Variants in MTPN observed in about 807,000 individuals in gnomAD.
The protein encoded by MTPN is myotrophin.
In MTPN, 2 loss-of-function variants were observed where a neutral mutation model predicts 13.5. The observed-to-expected ratio is 0.15, with a 90% CI of 0.06 to 0.47. The LOEUF (loss-of-function observed/expected upper bound fraction) is 0.47. Ranked by LOEUF, MTPN falls within the 20% of genes least tolerant of loss-of-function variation. The pLI is 0.97. For missense variants in MTPN, 79 were observed against 137.9 expected (o/e 0.57, Z 2.14); for synonymous variants, 46 against 51.7 (o/e 0.89, Z 0.48).
At chr7:135,963,996 G>A (rs566054675) in intron 1 of MTPN, among the ~76,000 whole-genome samples, 4 of 151,832 alleles carry the variant, frequency 2.6e-5, no homozygotes, top group South Asian at 2.1e-4. Context: ...AACAAAACAC[G>A]TGTTTATATA....
At chr7:135,967,366 GAAGAAGAAATTTGCC>G (rs1799621525) in intron 1 of MTPN, among the ~76,000 whole-genome samples, 3 of 152,202 alleles carry the variant, frequency 2.0e-5, no homozygotes, top group Admixed American at 2.0e-4. Flanking sequence ...ACTTCAGGAA[GAAGAAGAAATTTGCC>G]AAGCAGATGT....
At chr7:135,956,379 AT>A in intron 1 of MTPN, among the ~76,000 whole-genome samples, 1 of 152,354 alleles carries the variant, frequency 6.6e-6, no homozygotes, top group East Asian at 1.9e-4. Flanking sequence ...TCTTTCCCAA[AT>A]TCTGGGGATA....
At chr7:135,950,827 G>T (rs1044485904) in intron 2 of MTPN, 145 bp from the exon 3 acceptor site, 4 of 670,548 alleles carry the variant, frequency 6.0e-6, no homozygotes, top group Non-Finnish European at 1.0e-5. Flanking sequence ...CAAGTGTCTA[G>T]TCTCTTAAAG....
intron 3 of MTPN, among the ~76,000 whole-genome samples, chr7:135,940,812 CAT>C (rs901175554): frequency 4.9e-4 from 74 of 152,326 alleles, no homozygotes; most frequent in African/African-American, 1.6e-3. Context: ...GGATGGCACA[CAT>C]ATGACTTGTC....
intron 1 of MTPN, among the ~76,000 whole-genome samples, chr7:135,959,817 G>GTT (rs11452329): frequency 4.9e-5 from 7 of 143,504 alleles, no homozygotes; most frequent in African/African-American, 7.6e-5. Context: ...ACATCTGCTT[G>GTT]TTTTTTTTTT....
Position 135,929,850 on chromosome 7 carries a change from A to G in MTPN, c.*76T>C. The G allele has an allele frequency of 7.3e-7, 1 of 1,367,850 alleles. No homozygotes were observed. Among genetic ancestry groups the G allele is most frequent in the Non-Finnish European group, 1.0e-6 (1 of 956,102 alleles). 84.7% of individuals were successfully genotyped at this position (1,367,850 alleles called of 1,614,324 possible). A position where few individuals can be genotyped will look rare whatever the true frequency, so the allele number is the denominator to read the frequency against. ...TTTAGCTGAAGAAGCTGGCAGATAGAGAGTGACAGACAGACAGGCAGCAGT... is the reference window on the plus strand; with the variant it reads ...TTTAGCTGAAGAAGCTGGCAGATAGGGAGTGACAGACAGACAGGCAGCAGT... On this transcript the variant is annotated 3_prime_UTR_variant, in exon 4 of 4. Transcript: ENST00000393085.
At chr7:135,936,213 A>C (rs1382578705) in intron 3 of MTPN, among the ~76,000 whole-genome samples, 1 of 152,248 alleles carries the variant, frequency 6.6e-6, no homozygotes, top group African/African-American at 2.4e-5. Flanking sequence ...GGCCGGGCAC[A>C]GTGGCTCACG....
At chr7:135,972,806 G>T (rs1332438237) in intron 1 of MTPN, among the ~76,000 whole-genome samples, 1 of 151,460 alleles carries the variant, frequency 6.6e-6, no homozygotes, top group Non-Finnish European at 1.5e-5. Context: ...TTTTAAAAGG[G>T]CCAACTCCTC....
intron 1 of MTPN, among the ~76,000 whole-genome samples, chr7:135,965,862 CT>C (rs1322415667): frequency 1.3e-5 from 2 of 152,054 alleles, no homozygotes; most frequent in African/African-American, 4.8e-5. Flanking sequence ...GGTAAACCAA[CT>C]TTGAAAACAA....
At chr7:135,972,413 A>G (rs768831500) in intron 1 of MTPN, among the ~76,000 whole-genome samples, 6 of 152,232 alleles carry the variant, frequency 3.9e-5, no homozygotes, top group Non-Finnish European at 8.8e-5. Flanking sequence ...AGAAGCAAAT[A>G]AAAACTTAGG....
At position 135,946,832 on chromosome 7, in the gene MTPN, CCA is replaced by C. The variant is rs1340822878; in HGVS notation, c.270+3765_270+3766del. ...AAAACAGGCATTGGGCTTGGCCTCT[CCA>C]CAGACTGCTGTACTGGTCAGTTGCT... On this transcript the variant is annotated intron_variant, in intron 3 of 3. Coordinates refer to ENST00000393085, the MANE Select transcript of MTPN (RefSeq NM_145808.4). Among the ~76,000 whole-genome samples, 9 of 152,308 alleles carry C rather than the reference CCA, an allele frequency of 5.9e-5. No homozygotes were observed. The East Asian group carries it at 1.7e-3, about 29-fold the overall frequency.
At chr7:135,955,431 ACAGAT>A (rs1799427973) in intron 1 of MTPN, among the ~76,000 whole-genome samples, 1 of 152,214 alleles carries the variant, frequency 6.6e-6, no homozygotes, top group African/African-American at 2.4e-5. Context: ...ATATTGGACA[ACAGAT>A]TACCTCCCCA....
At chr7:135,938,467 T>C (rs1246642618) in intron 3 of MTPN, among the ~76,000 whole-genome samples, 2 of 152,246 alleles carry the variant, frequency 1.3e-5, no homozygotes, top group Non-Finnish European at 2.9e-5. Context: ...ATATTTGCAA[T>C]GTTTCTAGTT....
intron 1 of MTPN, 105 bp downstream of exon 1, chr7:135,976,924 T>TACAACCC: frequency 5.5e-6 from 4 of 724,840 alleles, no homozygotes; most frequent in Admixed American, 1.9e-5. Flanking sequence ...AGGAAGTCTC[T>TACAACCC]CCTCCCGCCC....
chr7:135,975,824 A>AAGTT (rs1488748245), intron 1 of MTPN, among the ~76,000 whole-genome samples: 1 of 152,238 alleles, frequency 6.6e-6, no homozygotes, highest in Non-Finnish European at 1.5e-5. Context: ...CTAAGCAGGT[A>AAGTT]AGCAGCATCC....
At position 135,929,776 on chromosome 7, in the gene MTPN, T is replaced by C; in HGVS notation, c.*150A>G. ...CTCCAAAACAATTTTTTTTTTCTGG[T>C]AGTCGGATTTGTTATGAATTTCTCT... On this transcript the variant is annotated 3_prime_UTR_variant, in exon 4 of 4. Coordinates refer to ENST00000393085, the MANE Select transcript of MTPN (RefSeq NM_145808.4). 2 of 732,774 alleles carry C rather than the reference T, an allele frequency of 2.7e-6. No homozygotes were observed. The highest frequency in any genetic ancestry group is 1.8e-5 in the South Asian group (1 of 54,288). 45.4% of individuals were successfully genotyped at this position (732,774 alleles called of 1,614,324 possible). A position where few individuals can be genotyped will look rare whatever the true frequency, so the allele number is the denominator to read the frequency against.
At chr7:135,957,619 A>C (rs1016032448) in intron 1 of MTPN, among the ~76,000 whole-genome samples, 1 of 152,216 alleles carries the variant, frequency 6.6e-6, no homozygotes, top group South Asian at 2.1e-4. Context: ...GCATAGTGCT[A>C]TAATTTTGAT....
chr7:135,948,602 A>G (rs758886237), intron 3 of MTPN, among the ~76,000 whole-genome samples: 61 of 152,306 alleles, frequency 4.0e-4, no homozygotes, highest in Middle Eastern at 6.8e-3. Context: ...AACTCATTTA[A>G]TGTTTTCAAC....
intron 1 of MTPN, among the ~76,000 whole-genome samples, chr7:135,966,375 T>C (rs118014986): frequency 0.013 from 1,997 of 152,206 alleles, 21 homozygotes; most frequent in Non-Finnish European, 0.02. Flanking sequence ...ACCCTCATGA[T>C]TGAGTGGCTG....
Sources: allele counts gnomAD v4.1 joint callset (sites outside exome capture counted in the v4.1 genomes callset), GRCh38; gene constraint gnomAD v4.1.1; transcripts MANE v1.5; gene names NCBI Gene and HGNC (gene_info 2026-07-23, HGNC 2026-07-21).